MBD3: variants seen among roughly 807,000 people sequenced by gnomAD.
MBD3 encodes the protein methyl-CpG binding domain protein 3, also known as methyl-CpG-binding domain protein 3.
In MBD3, 13 loss-of-function variants were observed where a neutral mutation model predicts 31.2. That is an observed-to-expected ratio of 0.42 (90% CI 0.27 to 0.66). MBD3 has a LOEUF of 0.66. MBD3 is among the 30% of genes least tolerant of loss of function. The pLI, the probability that MBD3 is intolerant of heterozygous loss-of-function variation, is 0.26. For missense variants in MBD3, 440 were observed against 426.5 expected, an observed-to-expected ratio of 1.03 and a Z score of -0.28; for synonymous variants, 223 against 187.4, an observed-to-expected ratio of 1.19 and a Z score of -1.55.
intron 3 of MBD3, among the ~76,000 whole-genome samples, chr19:1,583,954 T>A (rs939738256): frequency 6.6e-6 from 1 of 151,980 alleles, no homozygotes; most frequent in East Asian, 1.9e-4. Context: ...CCCGGGTAGC[T>A]GGGATTACAG....
chr19:1,582,595 C>A lies in MBD3; in HGVS notation c.499+27G>T, dbSNP rs764662889. On this transcript the variant is annotated intron_variant, in intron 4 of 6. Transcript: ENST00000434436. ...TCCACCCCACCCGGCACATCCCCTT[C>A]CGCCTCCCCTCAGGGTGCCCGCTCA... 8.1e-6 allele frequency: 13 copies of A among 1,607,498 alleles called. No individual in the cohort carries two copies. In the South Asian group the frequency reaches 1.2e-4, roughly 15 times the overall value.
At position 1,578,559 on chromosome 19, in the gene MBD3, C is replaced by CT. The variant is rs1917271104; in HGVS notation, c.678-22_678-21insA. 1 of 1,610,804 alleles carries CT rather than the reference C, an allele frequency of 6.2e-7. No individual in the cohort carries two copies. Among genetic ancestry groups the CT allele is most frequent in the South Asian group, 1.1e-5 (1 of 91,086 alleles). ...GCTTCCTGGGGACACATGGACCTTG[C>CT]GTTACACCAAGGTGAGCGGCCAGCA... On this transcript the variant is annotated intron_variant, in intron 5 of 6. Transcript: ENST00000434436. This position sits in a 1 kb window ranked among gnomAD's most constrained non-coding sequence, Gnocchi z 6.1.
In MBD3 at chr19:1,592,549, GCCGACAGC is replaced by G. The variant is rs2060710349; in HGVS notation, c.75_82del (p.Leu26ArgfsTer9). 1.4e-6 allele frequency: 2 copies of G among 1,439,554 alleles called. No individual in the cohort carries two copies. Among genetic ancestry groups the G allele is most frequent in the Admixed American group, 1.9e-5 (1 of 51,354 alleles). The allele number at this position is 1,439,554 out of a possible 1,614,324, so 89.2% of individuals were successfully genotyped here. On this transcript the variant is annotated frameshift_variant, in exon 1 of 7. Coordinates refer to ENST00000434436, the MANE Select transcript of MBD3 (RefSeq NM_001281453.2). LOFTEE classifies it high-confidence loss of function. ...ATAGTAAAAGACATCCCTGTGGCCG[GCCGACAGC>G]CCCGACCTTCTGGGCACTTCTTCCC...
At position 1,578,708 on chromosome 19, in the gene MBD3, A is replaced by G. The variant is rs1309057176; in HGVS notation, c.678-170T>C. On this transcript the variant is annotated intron_variant, in intron 5 of 6. Transcript: ENST00000434436. This position sits in a 1 kb window ranked among gnomAD's most constrained non-coding sequence, Gnocchi z 6.1. ...CCTCCCTTCACAATCCACGCAGAGA[A>G]TGACCGGCTGCCGCTGGCCATCGCC... 1.3e-5 allele frequency among the ~76,000 whole-genome samples: 2 copies of G among 152,154 alleles called. No homozygotes were observed. The highest frequency in any genetic ancestry group is 2.9e-5 in the Non-Finnish European group (2 of 67,998).
In MBD3 at chr19:1,575,374, T is replaced by C. The variant is rs189182350; in HGVS notation, c.*2790A>G. On this transcript the variant is annotated 3_prime_UTR_variant, in exon 7 of 7. Transcript: ENST00000434436. ...CAGATCACGCCACTGCACTCCAGCC[T>C]GTGCAACAAGAGCGAAAGAAGAGCG... 208 of 370,462 alleles carry C rather than the reference T, an allele frequency of 5.6e-4. 3 individuals carry two copies. In the East Asian group the frequency reaches 0.013, roughly 23 times the overall value. 22.9% of individuals were successfully genotyped at this position (370,462 alleles called of 1,614,324 possible).
rs1039885860 is a variant in MBD3 at position 1,585,437 on chromosome 19, A to T, written c.111-223T>A. On this transcript the variant is annotated intron_variant, in intron 1 of 6. Transcript: ENST00000434436. This position sits in a 1 kb window ranked among gnomAD's most constrained non-coding sequence, Gnocchi z 4.1. ...TTCATCCCAGACCCCAGCACCCCAC[A>T]ACTGGCCCCTAGATCTGGGCGCCAG... 11 of 550,568 alleles carry T rather than the reference A, an allele frequency of 2.0e-5. No individual in the cohort carries two copies. The highest frequency in any genetic ancestry group is 1.9e-4 in the Admixed American group (6 of 31,448). The allele number at this position is 550,568 out of a possible 1,614,324, so 34.1% of individuals were successfully genotyped here. A position where few individuals can be genotyped will look rare whatever the true frequency, so the allele number is the denominator to read the frequency against.
chr19:1,578,057 T>C lies in MBD3; in HGVS notation c.*107A>G, dbSNP rs1024142336. On this transcript the variant is annotated 3_prime_UTR_variant, in exon 7 of 7. Coordinates refer to ENST00000434436, the MANE Select transcript of MBD3 (RefSeq NM_001281453.2). The surrounding 1 kb of genome is among the most constrained non-coding windows in gnomAD (Gnocchi z 6.1). ...CCAGGAGCACGGCCTTCCTCCTGGG[T>C]GTCTCCAAGGCTGGGCTTCGCCGCC... 1.8e-6 allele frequency: 1 copy of C among 550,450 alleles called. No homozygotes were observed. The highest frequency in any genetic ancestry group is 1.9e-5 in the African/African-American group (1 of 52,810). The allele number at this position is 550,450 out of a possible 1,614,324, so 34.1% of individuals were successfully genotyped here. A position where few individuals can be genotyped will look rare whatever the true frequency, so the allele number is the denominator to read the frequency against.
intron 5 of MBD3, among the ~76,000 whole-genome samples, chr19:1,579,181 CAAAAAAAAAAAAAAAA>C (rs57070800): frequency 2.8e-4 from 6 of 21,496 alleles, no homozygotes; most frequent in East Asian, 2.3e-3. Context: ...CAGATTCTGC[CAAAAAAAAAAAAAAAA>C]AAAAAAAAAA....
chr19:1,586,671 A>ATTTTTTTTT (rs4030111), intron 1 of MBD3, among the ~76,000 whole-genome samples: 2 of 143,796 alleles, frequency 1.4e-5, no homozygotes, highest in African/African-American at 5.2e-5. Flanking sequence ...ACCACGCCTA[A>ATTTTTTTTT]TTTTTTTTTT....
chr19:1,588,137 C>G (rs560072309), intron 1 of MBD3, among the ~76,000 whole-genome samples: 71 of 152,306 alleles, frequency 4.7e-4, no homozygotes, highest in Non-Finnish European at 5.3e-4. Context: ...CCCCTGCCCC[C>G]CAACCCCGGG....
intron 3 of MBD3, among the ~76,000 whole-genome samples, chr19:1,583,010 C>T (rs952675307): frequency 7.9e-5 from 12 of 152,008 alleles, no homozygotes; most frequent in Non-Finnish European, 1.2e-4. Context: ...TTGAGACCAG[C>T]CTGGTCAACA....
At chr19:1,579,349 C>T (rs888185946) in intron 5 of MBD3, among the ~76,000 whole-genome samples, 2 of 152,068 alleles carry the variant, frequency 1.3e-5, no homozygotes, top group Non-Finnish European at 1.5e-5. Flanking sequence ...AAAGAATCCA[C>T]ACCCTCGTCT....
At chr19:1,582,581 C>G (rs374183018) in intron 4 of MBD3, 41 bp downstream of exon 4, 2 of 1,589,156 alleles carry the variant, frequency 1.3e-6, no homozygotes, top group Admixed American at 3.4e-5. Flanking sequence ...CCACCCCACC[C>G]GGCACATCCC....
rs148809364 is a variant in MBD3, at chr19:1,578,393, C to T, written c.823G>A (p.Glu275Lys). 70 of 1,603,818 alleles carry T rather than the reference C, an allele frequency of 4.4e-5. No individual in the cohort carries two copies. The highest frequency in any genetic ancestry group is 1.7e-4 in the Middle Eastern group (1 of 6,028). ...ACAEDDDEED[E>K]EEEEEEPDPD... is the part of the protein sequence containing the mutation. ...TCGGGCTCCTCCTCCTCCTCCTCCT[C>T]GTCTTCCTCGTCGTCGTCCTCAGCG... Residue 275 changes from glutamate to lysine, a missense_variant, in exon 6 of 7, where the codon GAG (glutamate) becomes AAG (lysine). By Grantham distance (56) the Glu-to-Lys change is moderately conservative. Coordinates refer to ENST00000434436, the MANE Select transcript of MBD3 (RefSeq NM_001281453.2). This position sits in a 1 kb window ranked among gnomAD's most constrained non-coding sequence, Gnocchi z 6.1.
Position 1,581,216 on chromosome 19 carries a change from G to C in MBD3, c.553C>G (p.Leu185Val). 1 of 1,613,490 alleles carries C rather than the reference G, an allele frequency of 6.2e-7. No homozygotes were observed. The highest frequency in any genetic ancestry group is 8.5e-7 in the Non-Finnish European group (1 of 1,180,010). The change falls in exon 5 of 7, where the codon CTG becomes GTG. Residue 185 changes from leucine to valine, a missense_variant. Around this residue, in one of 3 missense-constraint regions of MBD3, gnomAD observed 144 missense variants for 196.9 expected, o/e 0.73. Transcript: ENST00000434436. ...ETLLSAIASA[L>V]HTSTMPITGQ... Reference sequence around the variant, plus strand: ...GTGATGGGCATGGTGCTAGTGTGCAGGGCGCTGGCGATGGCCGACAGCAGC... The same window carrying C: ...GTGATGGGCATGGTGCTAGTGTGCACGGCGCTGGCGATGGCCGACAGCAGC...
At position 1,578,309 on chromosome 19, in the gene MBD3, A is replaced by G. The variant is rs1052252245; in HGVS notation, c.*5+26T>C. 6.2e-7 allele frequency: 1 copy of G among 1,600,318 alleles called. No individual in the cohort carries two copies. Among genetic ancestry groups the G allele is most frequent in the Admixed American group, 1.7e-5 (1 of 60,000 alleles). The stretch of plus-strand genomic sequence containing the variant: ...GTCCCCACTGCCAGGACCCGACTCC[A>G]GGGAGCCCCCGTGGCCCCGCAGCAC... On this transcript the variant is annotated intron_variant, in intron 6 of 6. Coordinates refer to ENST00000434436, the MANE Select transcript of MBD3 (RefSeq NM_001281453.2). This position sits in a 1 kb window ranked among gnomAD's most constrained non-coding sequence, Gnocchi z 6.1.
rs1041656542 is a variant in MBD3 at position 1,588,107 on chromosome 19, G to A, written c.111-2893C>T. Among the ~76,000 whole-genome samples, 18 of 152,130 alleles carry A rather than the reference G, an allele frequency of 1.2e-4. No individual in the cohort carries two copies. The South Asian group carries it at 1.5e-3, about 12-fold the overall frequency. On this transcript the variant is annotated intron_variant, in intron 1 of 6. Transcript: ENST00000434436. ...GTACTGGGCCGATACATAGATCACA[G>A]GAAGTTTTATTTCTCTCCACCCCTG...
chr19:1,578,650 A>G lies in MBD3; in HGVS notation c.678-112T>C. 6.3e-7 allele frequency: 1 copy of G among 1,589,982 alleles called. No individual in the cohort carries two copies. Among genetic ancestry groups the G allele is most frequent in the South Asian group, 1.1e-5 (1 of 90,176 alleles). On this transcript the variant is annotated intron_variant, in intron 5 of 6. Transcript: ENST00000434436. This position sits in a 1 kb window ranked among gnomAD's most constrained non-coding sequence, Gnocchi z 6.1. ...GGGGAGGCCCGAGGGATCCACAGGC[A>G]CCCCCCCAGGACCAGCCCTGGCCCG...
intron 4 of MBD3, chr19:1,581,774 T>C (rs1939754531): frequency 1.2e-5 from 2 of 170,442 alleles, no homozygotes; most frequent in Non-Finnish European, 2.5e-5. Flanking sequence ...TCTGTATCTT[T>C]TTTTTTTTTT....
Sources: gnomAD v4.1 joint callset for allele counts (sites outside exome capture counted in the v4.1 genomes callset) on GRCh38, gnomAD v4.1.1 for gene constraint, gnomAD v4.1.1 regional missense constraint, Gnocchi (gnomAD v3.1) non-coding constraint, MANE v1.5 for transcripts, NCBI Gene and HGNC (gene_info 2026-07-23, HGNC 2026-07-21) for gene names.